Variants in ARAP2 observed in about 807,000 individuals in gnomAD.
The protein encoded by ARAP2 is arf-GAP with Rho-GAP domain, ANK repeat and PH domain-containing protein 2.
A neutral mutation model predicts 194.5 loss-of-function variants in ARAP2; 148 were observed. The ratio of observed to expected loss-of-function variants is 0.76; its 90% CI spans 0.67 to 0.87. ARAP2 has a LOEUF of 0.87. Among genes scored for constraint, ARAP2 ranks in the 40% least tolerant of loss-of-function variants. The pLI is 0.00. For synonymous variants in ARAP2, 695 were observed against 683.5 expected (o/e 1.02, Z -0.26); for missense variants, 2,128 against 1,989.7 (o/e 1.07, Z -1.32).
intron 19 of ARAP2, among the ~76,000 whole-genome samples, chr4:36,146,479 A>T (rs765990468): frequency 2.8e-4 from 42 of 151,958 alleles, no homozygotes; most frequent in Non-Finnish European, 4.4e-4. Flanking sequence ...TCTCTCTTTC[A>T]TTCAAATATT....
intron 2 of ARAP2, among the ~76,000 whole-genome samples, chr4:36,054,727 C>T (rs1468621908): frequency 6.6e-6 from 1 of 152,128 alleles, no homozygotes; most frequent in African/African-American, 2.4e-5. Context: ...AATATTACAT[C>T]ATTACCACAT....
chr4:36,226,264 T>C (rs1281213027), intron 2 of ARAP2, among the ~76,000 whole-genome samples: 1 of 152,202 alleles, frequency 6.6e-6, no homozygotes, highest in African/African-American at 2.4e-5. Flanking sequence ...GCTTTTCATA[T>C]GATACAAAGC....
intron 7 of ARAP2, among the ~76,000 whole-genome samples, chr4:36,188,071 A>G (rs1003819257): frequency 6.6e-6 from 1 of 152,214 alleles, no homozygotes; most frequent in African/African-American, 2.4e-5. Flanking sequence ...CTCAACCTCA[A>G]ACTGTATCAT....
At chr4:36,222,602 A>T (rs1332200847) in intron 2 of ARAP2, among the ~76,000 whole-genome samples, 1 of 152,134 alleles carries the variant, frequency 6.6e-6, no homozygotes, top group Admixed American at 6.6e-5. Context: ...AAAAGCATGC[A>T]CGAGTAGGAT....
At chr4:36,201,084 T>C (rs78350442) in intron 6 of ARAP2, among the ~76,000 whole-genome samples, 1 of 152,178 alleles carries the variant, frequency 6.6e-6, no homozygotes, top group East Asian at 1.9e-4. Flanking sequence ...GTAATAAAAA[T>C]AGCAAACACA....
intron 1 of ARAP2, among the ~76,000 whole-genome samples, chr4:36,232,280 G>A (rs185665327): frequency 1.0e-3 from 154 of 152,264 alleles, no homozygotes; most frequent in African/African-American, 3.4e-3. Flanking sequence ...TACTGCAATC[G>A]TCTCTGAACA....
intron 6 of ARAP2, among the ~76,000 whole-genome samples, chr4:36,207,964 G>A (rs193089923): frequency 3.9e-5 from 6 of 152,262 alleles, no homozygotes; most frequent in Non-Finnish European, 7.4e-5. Flanking sequence ...TCACAGATTC[G>A]TTCCACAGCA....
intron 25 of ARAP2, among the ~76,000 whole-genome samples, chr4:36,115,958 G>A (rs1721222253): frequency 6.6e-6 from 1 of 151,900 alleles, no homozygotes; most frequent in African/African-American, 2.4e-5. Context: ...ATTAAAATGC[G>A]CTATTAAAGA....
chr4:36,188,713 TCC>T (rs1423267719), intron 7 of ARAP2, among the ~76,000 whole-genome samples: 4 of 152,178 alleles, frequency 2.6e-5, no homozygotes, highest in African/African-American at 9.6e-5. Flanking sequence ...CACAGCGTTA[TCC>T]TTGGAACCCA....
At chr4:36,189,285 C>T (rs534310070) in intron 7 of ARAP2, among the ~76,000 whole-genome samples, 10 of 151,988 alleles carry the variant, frequency 6.6e-5, no homozygotes, top group Non-Finnish European at 1.2e-4. Context: ...AATAACTGTT[C>T]GTATTTATGG....
chr4:36,170,588 G>C (rs1382915735), intron 9 of ARAP2, among the ~76,000 whole-genome samples: 1 of 152,174 alleles, frequency 6.6e-6, no homozygotes, highest in East Asian at 1.9e-4. Context: ...TTTGTCCTGG[G>C]TGCCAACTCC....
intron 6 of ARAP2, among the ~76,000 whole-genome samples, chr4:36,197,430 C>T (rs1283996988): frequency 6.6e-6 from 1 of 152,166 alleles, no homozygotes; most frequent in Non-Finnish European, 1.5e-5. Flanking sequence ...TTTATTTTTG[C>T]AAATATTAAA....
intron 9 of ARAP2, among the ~76,000 whole-genome samples, chr4:36,171,356 T>G (rs1020215280): frequency 1.7e-4 from 26 of 152,274 alleles, no homozygotes; most frequent in African/African-American, 6.3e-4. Flanking sequence ...AATGAAGAGT[T>G]CATGTCCTTT....
chr4:36,037,585 C>A (rs373006592), intron 5 of ARAP2, among the ~76,000 whole-genome samples: 3 of 152,068 alleles, frequency 2.0e-5, no homozygotes, highest in Non-Finnish European at 4.4e-5. Flanking sequence ...GATTCATCCC[C>A]CATCAGAATA....
chr4:36,097,032 T>G (rs957799843), intron 27 of ARAP2, among the ~76,000 whole-genome samples: 1 of 152,130 alleles, frequency 6.6e-6, no homozygotes, highest in African/African-American at 2.4e-5. Flanking sequence ...CATTTACATT[T>G]TTGCTCAAAT....
chr4:36,104,749 A>C (rs1047309328), intron 27 of ARAP2, among the ~76,000 whole-genome samples: 1 of 152,028 alleles, frequency 6.6e-6, no homozygotes, highest in Non-Finnish European at 1.5e-5. Context: ...CTAATTCAAT[A>C]CTTATAAAAA....
intron 27 of ARAP2, among the ~76,000 whole-genome samples, chr4:36,104,629 T>A (rs1020386023): frequency 6.6e-6 from 1 of 151,950 alleles, no homozygotes; most frequent in Non-Finnish European, 1.5e-5. Context: ...ATTGATTTTT[T>A]AAAAATATTA....
At position 36,210,690 on chromosome 4, in the gene ARAP2, C is replaced by A. The variant is rs770224004; in HGVS notation, c.1187G>T (p.Trp396Leu). The A allele has an allele frequency of 6.2e-7, 1 of 1,612,260 alleles. No individual in the cohort carries two copies. Among genetic ancestry groups the A allele is most frequent in the Non-Finnish European group, 8.5e-7 (1 of 1,179,522 alleles). ...ATTGTTTTTGTCCTCTCGAGGTATC[C>A]AAATATCTTCCACCTTGTCCTCGCT... ...KISEDKVEDI[W>L]IPREDKNNFL... The change falls in exon 6 of 33, where the codon TGG becomes TTG. Residue 396 changes from tryptophan to leucine, a missense_variant. By Grantham distance (61) the Trp-to-Leu change is moderately conservative. Coordinates refer to ENST00000303965, the MANE Select transcript of ARAP2 (RefSeq NM_015230.4).
chr4:36,213,419 A>C (rs1747203400), intron 3 of ARAP2, 100 bp from the exon 4 acceptor site: 1 of 827,134 alleles, frequency 1.2e-6, no homozygotes, highest in Non-Finnish European at 2.0e-6. Context: ...TGGCATTATC[A>C]CAACGTAAGC....
Sources: allele counts gnomAD v4.1 joint callset (sites outside exome capture counted in the v4.1 genomes callset), GRCh38; gene constraint gnomAD v4.1.1; transcripts MANE v1.5; gene names NCBI Gene and HGNC (gene_info 2026-07-23, HGNC 2026-07-21).